MTX2: variants seen among roughly 807,000 people sequenced by gnomAD.
The protein encoded by MTX2 is metaxin 2.
MTX2 carries 35 observed loss-of-function variants against 42.3 expected under a neutral mutation model. The ratio of observed to expected loss-of-function variants is 0.83; its 90% CI spans 0.63 to 1.10. The LOEUF is 1.10. Among genes scored for constraint, MTX2 ranks in the 50% least tolerant of loss-of-function variants. The pLI is 0.00. For missense variants in MTX2, 307 were observed against 304.1 expected, an observed-to-expected ratio of 1.01 and a Z score of -0.07; for synonymous variants, 119 against 100.9, an observed-to-expected ratio of 1.18 and a Z score of -1.08.
chr2:176,296,379 G>GAT (rs1375815915), intron 1 of MTX2, among the ~76,000 whole-genome samples: 1 of 152,024 alleles, frequency 6.6e-6, no homozygotes, highest in African/African-American at 2.4e-5. Context: ...GCTTGATACA[G>GAT]ATATATTTGA....
intron 3 of MTX2, among the ~76,000 whole-genome samples, chr2:176,315,064 A>T (rs1423270643): frequency 6.6e-6 from 1 of 152,122 alleles, no homozygotes; most frequent in South Asian, 2.1e-4. Flanking sequence ...GGTGGCCTTG[A>T]GGATTGGGCT....
intron 1 of MTX2, among the ~76,000 whole-genome samples, chr2:176,292,123 CT>C (rs1163528814): frequency 6.6e-6 from 1 of 152,166 alleles, no homozygotes; most frequent in East Asian, 1.9e-4. Context: ...GCCTCCATTT[CT>C]TACCAACCCC....
At chr2:176,301,761 A>T (rs1684028461) in intron 3 of MTX2, among the ~76,000 whole-genome samples, 1 of 152,214 alleles carries the variant, frequency 6.6e-6, no homozygotes, top group African/African-American at 2.4e-5. Context: ...TTAGTAAATT[A>T]TATCTTATGA....
chr2:176,321,745 C>A (rs1281220061), intron 3 of MTX2, among the ~76,000 whole-genome samples: 1 of 152,094 alleles, frequency 6.6e-6, no homozygotes, highest in African/African-American at 2.4e-5. Context: ...GTTGGCCATA[C>A]CCAGTTGTAA....
chr2:176,330,599 G>A lies in MTX2; in HGVS notation c.559G>A (p.Asp187Asn). ...KTLDQVLEDV[D>N]QCCQALSQRL... ...CCTGTGTTAGGTCTTAGAGGATGTAGACCAGTGCTGTCAAGCTCTCTCTCA... is the reference window on the plus strand; with the variant it reads ...CCTGTGTTAGGTCTTAGAGGATGTAAACCAGTGCTGTCAAGCTCTCTCTCA... Residue 187 changes from aspartate to asparagine, a missense_variant, in exon 9 of 10, where the codon GAC (aspartate) becomes AAC (asparagine). By Grantham distance (23) the Asp-to-Asn change is conservative. Transcript: ENST00000249442. 6.3e-7 allele frequency: 1 copy of A among 1,589,632 alleles called. No homozygotes were observed. Among genetic ancestry groups the A allele is most frequent in the Non-Finnish European group, 8.6e-7 (1 of 1,164,240 alleles).
chr2:176,281,486 C>T (rs550751226), intron 1 of MTX2, among the ~76,000 whole-genome samples: 5 of 152,124 alleles, frequency 3.3e-5, no homozygotes, highest in African/African-American at 4.8e-5. Flanking sequence ...TATGTAGTGA[C>T]TCAGTGCACC....
At chr2:176,329,581 A>C (rs116812537) in intron 8 of MTX2, among the ~76,000 whole-genome samples, 155 bp downstream of exon 8, 289 of 151,380 alleles carry the variant, frequency 1.9e-3, no homozygotes, top group African/African-American at 6.7e-3. Flanking sequence ...ATTTCTAAAA[A>C]ATCATACATG....
At chr2:176,272,700 A>G (rs1692851622) in intron 1 of MTX2, among the ~76,000 whole-genome samples, 2 of 152,338 alleles carry the variant, frequency 1.3e-5, no homozygotes, top group African/African-American at 2.4e-5. Context: ...CATGAAATCT[A>G]TATAAACATA....
chr2:176,300,760 A>G (rs1684005631), intron 3 of MTX2, among the ~76,000 whole-genome samples: 1 of 152,140 alleles, frequency 6.6e-6, no homozygotes, highest in South Asian at 2.1e-4. Context: ...TCAAATGTAA[A>G]ATAGAAATAT....
chr2:176,297,056 T>C, intron 2 of MTX2, 149 bp downstream of exon 2: 1 of 847,134 alleles, frequency 1.2e-6, no homozygotes, highest in Admixed American at 2.3e-5. Flanking sequence ...TTACCTGAAC[T>C]TGTATCTGCC....
chr2:176,330,328 A>G (rs1403011313), intron 8 of MTX2, among the ~76,000 whole-genome samples: 2 of 146,772 alleles, frequency 1.4e-5, no homozygotes, highest in African/African-American at 4.9e-5. Flanking sequence ...TCTTGTATAC[A>G]AAGTATTATA....
At chr2:176,319,737 G>A (rs1311090457) in intron 3 of MTX2, among the ~76,000 whole-genome samples, 7 of 151,834 alleles carry the variant, frequency 4.6e-5, no homozygotes, top group East Asian at 1.9e-4. Flanking sequence ...CACCACGCCC[G>A]GCTAATTTTT....
chr2:176,309,285 A>G (rs565749797), intron 3 of MTX2, among the ~76,000 whole-genome samples: 7 of 152,250 alleles, frequency 4.6e-5, no homozygotes, highest in Non-Finnish European at 8.8e-5. Flanking sequence ...GTTCTTTTAC[A>G]TTTGCTCAGG....
At chr2:176,325,510 T>C (rs1428038874) in intron 4 of MTX2, among the ~76,000 whole-genome samples, 1 of 151,744 alleles carries the variant, frequency 6.6e-6, no homozygotes, top group Non-Finnish European at 1.5e-5. Context: ...TTGACAACGC[T>C]CAATGTATTT....
At chr2:176,271,263 G>A (rs1692798460) in intron 1 of MTX2, among the ~76,000 whole-genome samples, 1 of 152,092 alleles carries the variant, frequency 6.6e-6, no homozygotes, top group South Asian at 2.1e-4. Context: ...ATTGATTAAA[G>A]ATCTAAATAT....
rs139716519 is a variant in MTX2 at position 176,329,931 on chromosome 2, A to G, written c.543+505A>G. ...TATCTGTCTATCTATCTGTCTATCT[A>G]TATTTTTGCTACTAAAGTAGCAAAA... On this transcript the variant is annotated intron_variant, in intron 8 of 9. Coordinates refer to ENST00000249442, the MANE Select transcript of MTX2 (RefSeq NM_006554.5). Among the ~76,000 whole-genome samples, 234 of 150,976 alleles carry G rather than the reference A, an allele frequency of 1.5e-3. 3 individuals carry two copies. The highest frequency in any genetic ancestry group is 0.014 in the Middle Eastern group (4 of 292).
At chr2:176,306,172 T>G (rs1684139455) in intron 3 of MTX2, among the ~76,000 whole-genome samples, 3 of 152,170 alleles carry the variant, frequency 2.0e-5, no homozygotes, top group Admixed American at 1.3e-4. Context: ...TTTGGTTTTC[T>G]GTCCTTGTGA....
At chr2:176,328,236 G>T in intron 5 of MTX2, 57 bp from the exon 6 acceptor site, 1 of 1,152,400 alleles carries the variant, frequency 8.7e-7, no homozygotes, top group South Asian at 1.7e-5. Context: ...TGAGATAACT[G>T]AAAGTTTTTG....
chr2:176,290,976 C>T (rs1021209750), intron 1 of MTX2, among the ~76,000 whole-genome samples: 1 of 152,080 alleles, frequency 6.6e-6, no homozygotes, highest in Non-Finnish European at 1.5e-5. Flanking sequence ...GACAAACAGT[C>T]TCACTCTTCC....
Sources: allele counts gnomAD v4.1 joint callset (sites outside exome capture counted in the v4.1 genomes callset), GRCh38; gene constraint gnomAD v4.1.1; transcripts MANE v1.5; gene names NCBI Gene and HGNC (gene_info 2026-07-23, HGNC 2026-07-21).